The following CXCL13 variants were observed in gnomAD, a reference collection of about 807,000 sequenced individuals.
CXCL13 encodes the protein C-X-C motif chemokine 13.
Under a neutral mutation model 12.2 loss-of-function variants are expected in CXCL13, and 7 were observed. That is an observed-to-expected ratio of 0.57 (90% CI 0.33 to 1.07). The LOEUF is 1.07. Ranked by LOEUF, CXCL13 falls within the 50% of genes least tolerant of loss-of-function variation. The pLI is 0.04. For synonymous variants in CXCL13, 47 were observed against 42.4 expected (o/e 1.11, Z -0.42); for missense variants, 113 against 127.4 (o/e 0.89, Z 0.55).
intron 1 of CXCL13, among the ~76,000 whole-genome samples, chr4:77,606,194 C>A (rs1448980322): frequency 6.6e-6 from 1 of 152,186 alleles, no homozygotes; most frequent in African/African-American, 2.4e-5. Flanking sequence ...CAGCCTTTTT[C>A]TGATTCAGCT....
At chr4:77,542,578 A>T (rs1725231539) in intron 1 of CXCL13, among the ~76,000 whole-genome samples, 1 of 152,118 alleles carries the variant, frequency 6.6e-6, no homozygotes, top group African/African-American at 2.4e-5. Flanking sequence ...TGGGGATTAC[A>T]ATTCTACAAG....
intron 1 of CXCL13, among the ~76,000 whole-genome samples, chr4:77,573,210 C>T (rs906326551): frequency 1.3e-5 from 2 of 151,714 alleles, no homozygotes; most frequent in African/African-American, 4.9e-5. Flanking sequence ...ATGTAACAAA[C>T]CTGCACATGT....
At chr4:77,537,632 CAG>C (rs1033414876) in intron 1 of CXCL13, among the ~76,000 whole-genome samples, 55 of 152,174 alleles carry the variant, frequency 3.6e-4, no homozygotes, top group Admixed American at 2.1e-3. Context: ...TTTTCTATTA[CAG>C]AGTGTGTAAT....
intron 1 of CXCL13, among the ~76,000 whole-genome samples, chr4:77,538,941 G>A (rs574415011): frequency 6.6e-6 from 1 of 152,262 alleles, no homozygotes; most frequent in East Asian, 1.9e-4. Context: ...AAGAGCTCTA[G>A]GCAAGTTTTA....
At chr4:77,529,262 G>C (rs1205072241) in intron 1 of CXCL13, among the ~76,000 whole-genome samples, 1 of 152,120 alleles carries the variant, frequency 6.6e-6, no homozygotes, top group Non-Finnish European at 1.5e-5. Context: ...GGCAATGCAG[G>C]CTCTTTTTTG....
At chr4:77,598,536 A>G (rs1052296075) in intron 1 of CXCL13, among the ~76,000 whole-genome samples, 3 of 152,208 alleles carry the variant, frequency 2.0e-5, no homozygotes, top group African/African-American at 7.2e-5. Flanking sequence ...TGAATCAAAC[A>G]TTGAAATTTA....
At chr4:77,574,323 T>C (rs1726158228) in intron 1 of CXCL13, among the ~76,000 whole-genome samples, 2 of 151,898 alleles carry the variant, frequency 1.3e-5, no homozygotes, top group Non-Finnish European at 2.9e-5. Flanking sequence ...AGACCCCATT[T>C]TGGGGAAAAC....
upstream of CXCL13, among the ~76,000 whole-genome samples, chr4:77,603,142 GTTCTTGTCAGTATCACTCATTT>G (rs1174201114): frequency 6.6e-6 from 1 of 152,020 alleles, no homozygotes; most frequent in Non-Finnish European, 1.5e-5. Context: ...TACTCTTCCC[GTTCTTGTCAGTATCACTCATTT>G]TTTTGCTCTC....
intron 1 of CXCL13, among the ~76,000 whole-genome samples, chr4:77,548,969 T>A (rs903693175): frequency 6.6e-6 from 1 of 152,230 alleles, no homozygotes; most frequent in Non-Finnish European, 1.5e-5. Flanking sequence ...CTTTCAGGTA[T>A]ACCAATCAAA....
At chr4:77,519,174 T>C (rs956213104) in intron 1 of CXCL13, among the ~76,000 whole-genome samples, 3 of 152,202 alleles carry the variant, frequency 2.0e-5, no homozygotes, top group African/African-American at 7.2e-5. Flanking sequence ...GAGGAGTACC[T>C]GGCCATGTGA....
At chr4:77,561,205 G>T (rs538467561) in intron 1 of CXCL13, among the ~76,000 whole-genome samples, 1 of 152,116 alleles carries the variant, frequency 6.6e-6, no homozygotes, top group South Asian at 2.1e-4. Context: ...CAAAAAGTGT[G>T]GTCCATGGAC....
At chr4:77,606,802 A>G (rs1212207480) in intron 1 of CXCL13, among the ~76,000 whole-genome samples, 1 of 152,128 alleles carries the variant, frequency 6.6e-6, no homozygotes, top group Non-Finnish European at 1.5e-5. Context: ...ACACCTTGAG[A>G]GGTGAGCCTT....
At chr4:77,548,422 G>A (rs1307007956) in intron 1 of CXCL13, among the ~76,000 whole-genome samples, 2 of 152,198 alleles carry the variant, frequency 1.3e-5, no homozygotes, top group African/African-American at 4.8e-5. Flanking sequence ...GGACATCTAT[G>A]ACACCAGAAC....
At chr4:77,537,572 C>T (rs1403590783) in intron 1 of CXCL13, among the ~76,000 whole-genome samples, 1 of 152,152 alleles carries the variant, frequency 6.6e-6, no homozygotes, top group Non-Finnish European at 1.5e-5. Flanking sequence ...GTCATCCATC[C>T]CCATGGGCTT....
At chr4:77,552,344 G>A (rs932070403) in intron 1 of CXCL13, among the ~76,000 whole-genome samples, 8 of 152,038 alleles carry the variant, frequency 5.3e-5, no homozygotes, top group African/African-American at 1.7e-4. Flanking sequence ...CCTAGGTAGG[G>A]TCCTTTGGCT....
intron 1 of CXCL13, among the ~76,000 whole-genome samples, chr4:77,580,354 GTCTC>G: frequency 3.3e-5 from 1 of 30,266 alleles, no homozygotes; most frequent in East Asian, 1.2e-3. Context: ...TTGAGATGGA[GTCTC>G]TCTCTTTCAC....
intron 1 of CXCL13, among the ~76,000 whole-genome samples, chr4:77,558,756 T>C (rs1331461583): frequency 6.6e-6 from 1 of 152,224 alleles, no homozygotes; most frequent in East Asian, 1.9e-4. Context: ...TTATTTTTAC[T>C]CAACAAAGGC....
chr4:77,542,953 T>C (rs929123927), intron 1 of CXCL13, among the ~76,000 whole-genome samples: 2 of 152,080 alleles, frequency 1.3e-5, no homozygotes, highest in Non-Finnish European at 2.9e-5. Flanking sequence ...GCTTTTCTTT[T>C]TAGGTATGGT....
chr4:77,538,749 C>T (rs986683904), intron 1 of CXCL13, among the ~76,000 whole-genome samples: 1 of 152,126 alleles, frequency 6.6e-6, no homozygotes, highest in Admixed American at 6.6e-5. Flanking sequence ...AATCAGGTCT[C>T]ACCAAACCTG....
Sources: gnomAD v4.1 joint callset for allele counts (sites outside exome capture counted in the v4.1 genomes callset) on GRCh38, gnomAD v4.1.1 for gene constraint, MANE v1.5 for transcripts, NCBI Gene and HGNC (gene_info 2026-07-23, HGNC 2026-07-21) for gene names.